DPH6: variants seen among roughly 807,000 people sequenced by gnomAD.
The protein encoded by DPH6 is diphthamine biosynthesis 6, also known as diphthine--ammonia ligase.
Under a neutral mutation model 38.2 loss-of-function variants are expected in DPH6, and 33 were observed. The ratio of observed to expected loss-of-function variants is 0.86; its 90% CI spans 0.65 to 1.15. The LOEUF is 1.15. DPH6 is among the 50% of genes most tolerant of loss of function. The probability of loss-of-function intolerance (pLI) is 0.00; values close to 1 mark genes in which losing one functional copy is unlikely to be tolerated. For synonymous variants in DPH6, 108 were observed against 103.0 expected (o/e 1.05, Z -0.30); for missense variants, 325 against 320.0 (o/e 1.02, Z -0.12).
chr15:35,390,708 C>T (rs1437747564), intron 6 of DPH6, among the ~76,000 whole-genome samples: 2 of 152,198 alleles, frequency 1.3e-5, no homozygotes, highest in Non-Finnish European at 2.9e-5. Flanking sequence ...CCTTTAAGGA[C>T]TTCTCTGCAT....
intron 5 of DPH6, among the ~76,000 whole-genome samples, chr15:35,416,534 G>A (rs944869450): frequency 6.6e-6 from 1 of 151,988 alleles, no homozygotes; most frequent in East Asian, 1.9e-4. Flanking sequence ...ATAATAGCCT[G>A]CAGACTCTTC....
chr15:35,395,654 C>T (rs2053121843), intron 6 of DPH6, among the ~76,000 whole-genome samples: 1 of 152,208 alleles, frequency 6.6e-6, no homozygotes, highest in South Asian at 2.1e-4. Context: ...TCAGTTCTAA[C>T]CCTTTCCTCA....
At chr15:35,407,476 A>G (rs1442340969) in intron 6 of DPH6, among the ~76,000 whole-genome samples, 1 of 152,024 alleles carries the variant, frequency 6.6e-6, no homozygotes, top group Non-Finnish European at 1.5e-5. Flanking sequence ...TGAATGAAAG[A>G]ACCAAAGAAC....
chr15:35,177,459 A>C, the DPH6 span, among the ~76,000 whole-genome samples: 2 of 151,100 alleles, frequency 1.3e-5, no homozygotes, highest in African/African-American at 4.9e-5. Flanking sequence ...GATGGTGTCC[A>C]CTTGTAGTCC....
At chr15:35,274,761 T>C (rs559278549) in intron 3 of DPH6, among the ~76,000 whole-genome samples, 20 of 152,150 alleles carry the variant, frequency 1.3e-4, no homozygotes, top group Non-Finnish European at 1.9e-4. Flanking sequence ...GGCGAGGCTG[T>C]GGAGAAATAG....
intron 3 of DPH6, among the ~76,000 whole-genome samples, chr15:35,482,227 A>C (rs1218370465): frequency 6.6e-6 from 1 of 152,234 alleles, no homozygotes; most frequent in Non-Finnish European, 1.5e-5. Context: ...CTGAGGCTGC[A>C]GTACTAGCTG....
chr15:35,315,268 A>T (rs576926287), intron 3 of DPH6, among the ~76,000 whole-genome samples: 2 of 152,334 alleles, frequency 1.3e-5, no homozygotes, highest in Admixed American at 1.3e-4. Flanking sequence ...TTTGCAGGGA[A>T]AATGCTTCCA....
chr15:35,462,830 A>G (rs746336623), intron 3 of DPH6, among the ~76,000 whole-genome samples: 12 of 152,210 alleles, frequency 7.9e-5, no homozygotes, highest in Non-Finnish European at 1.6e-4. Flanking sequence ...AGTACCTGGT[A>G]CAATATTAAA....
intron 5 of DPH6, among the ~76,000 whole-genome samples, chr15:35,434,242 T>C (rs117301723): frequency 0.019 from 2,855 of 152,266 alleles, 41 homozygotes; most frequent in Non-Finnish European, 0.027. Flanking sequence ...TCTCTTCAAT[T>C]CCTTATATTG....
chr15:35,182,220 ATTTTTTTTTTTTTTTT>A, the DPH6 span, among the ~76,000 whole-genome samples: 100 of 86,044 alleles, frequency 1.2e-3, no homozygotes, highest in Middle Eastern at 0.024. Flanking sequence ...AACTCTAAGA[ATTTTTTTTTTTTTTTT>A]TTTTTTTTTT....
At chr15:35,327,503 G>A (rs1334874831), downstream of DPH6, among the ~76,000 whole-genome samples, 1 of 152,012 alleles carries the variant, frequency 6.6e-6, no homozygotes, top group East Asian at 1.9e-4. Flanking sequence ...CTGCTGCCAT[G>A]CCTGGCTAAT....
chr15:35,400,367 G>A (rs1376596949), intron 6 of DPH6, among the ~76,000 whole-genome samples: 4 of 152,170 alleles, frequency 2.6e-5, no homozygotes, highest in Non-Finnish European at 4.4e-5. Flanking sequence ...TAGGAAGATG[G>A]AAGGAGGGAA....
intron 3 of DPH6, chr15:35,237,217 G>A (rs1020560317): frequency 3.2e-6 from 3 of 925,470 alleles, no homozygotes; most frequent in East Asian, 4.8e-5. Flanking sequence ...GGGGTGCTGG[G>A]GGCTCGAGAA....
chr15:35,463,462 T>C (rs1161878293), intron 3 of DPH6, among the ~76,000 whole-genome samples: 1 of 152,164 alleles, frequency 6.6e-6, no homozygotes, highest in Non-Finnish European at 1.5e-5. Context: ...AAAGGATGAT[T>C]CAATGAACTG....
intron 5 of DPH6, among the ~76,000 whole-genome samples, chr15:35,436,258 A>G (rs2053700590): frequency 3.3e-5 from 5 of 151,664 alleles, no homozygotes; most frequent in Admixed American, 3.3e-4. Context: ...CGAGGTCAGG[A>G]GATCAAGACC....
At chr15:35,362,099 A>T (rs2052619074) in intron 3 of DPH6, among the ~76,000 whole-genome samples, 1 of 152,164 alleles carries the variant, frequency 6.6e-6, no homozygotes, top group South Asian at 2.1e-4. Flanking sequence ...GACCTTCACC[A>T]GTCAACCCAG....
chr15:35,270,088 C>T (rs1489556433), intron 3 of DPH6, among the ~76,000 whole-genome samples: 1 of 151,962 alleles, frequency 6.6e-6, no homozygotes, highest in Non-Finnish European at 1.5e-5. Flanking sequence ...CGTGAGCCAC[C>T]GCGCCCGGCC....
Position 35,538,593 on chromosome 15 carries a change from C to T in DPH6, c.119-126G>A, listed in dbSNP as rs139481453. The T allele has an allele frequency of 4.2e-4, 330 of 778,926 alleles. No individual in the cohort carries two copies. In the African/African-American group the frequency reaches 5.5e-3, roughly 13 times the overall value. The allele number at this position is 778,926 out of a possible 1,614,324, so 48.3% of individuals were successfully genotyped here. ...CTTGAAAGCTTGCTATACTATGTTT[C>T]TCTGCATTTATGTAGTAAAATAAAA... On this transcript the variant is annotated intron_variant, in intron 2 of 8. Transcript: ENST00000256538.
chr15:35,387,228 T>C (rs1595520718), intron 6 of DPH6, among the ~76,000 whole-genome samples: 1 of 152,350 alleles, frequency 6.6e-6, no homozygotes, highest in East Asian at 1.9e-4. Flanking sequence ...AGTAGCATGC[T>C]GTTTTGGTTA....
Sources: allele counts gnomAD v4.1 joint callset (sites outside exome capture counted in the v4.1 genomes callset), GRCh38; gene constraint gnomAD v4.1.1; transcripts MANE v1.5; gene names NCBI Gene and HGNC (gene_info 2026-07-23, HGNC 2026-07-21).